Variants in QSER1 observed in about 807,000 individuals in gnomAD.
QSER1 encodes the protein glutamine and serine rich 1.
In QSER1, 49 loss-of-function variants were observed where a neutral mutation model predicts 158.5. The ratio of observed to expected loss-of-function variants is 0.31; its 90% confidence interval spans 0.25 to 0.39. The LOEUF is 0.39. Ranked by LOEUF, QSER1 falls within the 10% of genes least tolerant of loss-of-function variation. The pLI is 1.00. For missense variants in QSER1, 1,754 were observed against 2,010.3 expected (o/e 0.87, Z 2.44); for synonymous variants, 650 against 715.5 (o/e 0.91, Z 1.46).
chr11:32,902,236 C>A (rs941818633), intron 1 of QSER1, among the ~76,000 whole-genome samples: 2 of 152,202 alleles, frequency 1.3e-5, no homozygotes, highest in Non-Finnish European at 2.9e-5. Flanking sequence ...GCAAATGTCG[C>A]AAGGCAGGAA....
chr11:32,935,723 A>G (rs2133553978), intron 4 of QSER1, among the ~76,000 whole-genome samples: 1 of 152,372 alleles, frequency 6.6e-6, no homozygotes, highest in South Asian at 2.1e-4. Context: ...GAGGCACTGT[A>G]TTGTGGGCAT....
intron 1 of QSER1, among the ~76,000 whole-genome samples, chr11:32,908,885 C>G (rs774764272): frequency 1.1e-4 from 17 of 152,156 alleles, no homozygotes; most frequent in Non-Finnish European, 2.4e-4. Context: ...ATGGGCCAGG[C>G]ACAGTGATTC....
intron 12 of QSER1, 33 bp from the exon 13 acceptor site, chr11:32,976,300 AG>A (rs1202013670): frequency 6.6e-7 from 1 of 1,516,014 alleles, no homozygotes; most frequent in Non-Finnish European, 8.8e-7. Context: ...TGATGTGATA[AG>A]TATAAGCTAA....
chr11:32,907,635 A>G (rs532485984), intron 1 of QSER1, among the ~76,000 whole-genome samples: 2 of 152,344 alleles, frequency 1.3e-5, no homozygotes, highest in South Asian at 4.1e-4. Context: ...GTAACCAGCT[A>G]TATGTTAGTT....
At chr11:32,922,432 A>G (rs1851910251) in intron 1 of QSER1, among the ~76,000 whole-genome samples, 8 of 152,038 alleles carry the variant, frequency 5.3e-5, no homozygotes. Context: ...AAAGATTTCT[A>G]CATGGCAGAT....
intron 1 of QSER1, among the ~76,000 whole-genome samples, chr11:32,911,063 CT>C (rs1851759805): frequency 6.6e-6 from 1 of 152,222 alleles, no homozygotes; most frequent in South Asian, 2.1e-4. Context: ...TCTAATCTTA[CT>C]GCAGCAGTTA....
rs768321360 is a variant in QSER1, at chr11:32,932,794, G to A, written c.1536G>A (p.Gln512=). ...YKTLTFSGSS[Q]TVTPENQTLN... is the part of the protein sequence containing the mutation. ...CATTGACTTTTTCTGGGTCATCTCA[G>A]ACTGTAACTCCTGAAAATCAGACGC... Residue 512 remains glutamine, a synonymous_variant, in exon 4 of 13, where the codon CAG becomes CAA. Transcript: ENST00000650167. The A allele has an allele frequency of 6.2e-7, 1 of 1,613,984 alleles. No individual in the cohort carries two copies. The highest frequency in any genetic ancestry group is 1.7e-5 in the Admixed American group (1 of 59,996).
intron 1 of QSER1, among the ~76,000 whole-genome samples, chr11:32,901,986 G>C (rs1213737519): frequency 6.6e-6 from 1 of 152,204 alleles, no homozygotes; most frequent in African/African-American, 2.4e-5. Flanking sequence ...AGAAGGCTGA[G>C]GTGGGAGGAT....
At chr11:32,913,483 G>A (rs1489174598) in intron 1 of QSER1, among the ~76,000 whole-genome samples, 2 of 152,054 alleles carry the variant, frequency 1.3e-5, no homozygotes, top group Non-Finnish European at 2.9e-5. Context: ...GCGAGCTACC[G>A]CACCCGGTCT....
intron 4 of QSER1, among the ~76,000 whole-genome samples, chr11:32,940,782 T>A (rs1852218923): frequency 6.6e-6 from 1 of 152,184 alleles, no homozygotes; most frequent in South Asian, 2.1e-4. Flanking sequence ...ACCCTCTTTC[T>A]TCCTCTAAAT....
At chr11:32,902,208 T>C (rs1045207272) in intron 1 of QSER1, among the ~76,000 whole-genome samples, 4 of 152,166 alleles carry the variant, frequency 2.6e-5, no homozygotes, top group Non-Finnish European at 4.4e-5. Flanking sequence ...TTCCCTGAGA[T>C]CTGAGGAAGC....
intron 7 of QSER1, 36 bp downstream of exon 7, chr11:32,956,157 A>T (rs747731090): frequency 1.3e-6 from 2 of 1,538,702 alleles, no homozygotes; most frequent in Non-Finnish European, 1.8e-6. Context: ...TTGTGCATAT[A>T]TATAGGTGTA....
At position 32,893,220 on chromosome 11, in the gene QSER1, C is replaced by G. The variant is rs1474782809; in HGVS notation, c.95C>G (p.Ala32Gly). ...GCCCCCGTCCCCGCCAGCGCCGCTG[C>G]GCAGCCCCCCGCCCCAGCCTGGGCG... ...PAAPVPASAA[A>G]QPPAPAWAYE... Residue 32 changes from alanine (A) to glycine (G), a missense_variant, in exon 1 of 13, where the codon GCG (alanine) becomes GGG (glycine). By Grantham distance (60) the Ala-to-Gly change is moderately conservative. This residue lies in a region of QSER1 where 1,707 missense variants were observed against 1,919.6 expected (regional missense o/e 0.89). Coordinates refer to ENST00000650167, the MANE Select transcript of QSER1 (RefSeq NM_001076786.3). This position sits in a 1 kb window ranked among gnomAD's most constrained non-coding sequence, Gnocchi z 4.7. The G allele has an allele frequency of 1.3e-5, 2 of 148,420 alleles. No individual in the cohort carries two copies. Among genetic ancestry groups the G allele is most frequent in the Non-Finnish European group, 3.0e-5 (2 of 66,720 alleles). The allele number at this position is 148,420 out of a possible 1,614,324, so 9.2% of individuals were successfully genotyped here.
At chr11:32,948,206 T>C (rs1590175169) in intron 4 of QSER1, among the ~76,000 whole-genome samples, 1 of 152,328 alleles carries the variant, frequency 6.6e-6, no homozygotes, top group African/African-American at 2.4e-5. Context: ...GAGCACTGTA[T>C]ACTGAAACTA....
At chr11:32,962,095 C>T (rs1852635576) in intron 8 of QSER1, among the ~76,000 whole-genome samples, 1 of 152,288 alleles carries the variant, frequency 6.6e-6, no homozygotes, top group East Asian at 1.9e-4. Context: ...TTTATATTCC[C>T]ACCAGGAAAG....
chr11:32,957,766 A>G (rs1852545922), intron 7 of QSER1, 103 bp from the exon 8 acceptor site: 1 of 896,490 alleles, frequency 1.1e-6, no homozygotes, highest in Non-Finnish European at 1.7e-6. Context: ...TATTGGTGAG[A>G]GTAATTAGAT....
chr11:32,975,752 G>T lies in QSER1; in HGVS notation c.5454+409G>T. On this transcript the variant is annotated intron_variant, in intron 12 of 12. Coordinates refer to ENST00000650167, the MANE Select transcript of QSER1 (RefSeq NM_001076786.3). The stretch of plus-strand genomic sequence containing the variant: ...TCCCACTTAATTGCAGAGAAGTGGG[G>T]TTTTGTGCCTTGGCATGAAAAACTG... The T allele has an allele frequency of 9.0e-6, 6 of 668,914 alleles. 1 individual carries two copies. The South Asian group carries it at 1.7e-4, about 18-fold the overall frequency. 41.4% of individuals were successfully genotyped at this position (668,914 alleles called of 1,614,324 possible).
intron 10 of QSER1, among the ~76,000 whole-genome samples, chr11:32,972,289 T>C (rs1852877381): frequency 6.6e-6 from 1 of 152,176 alleles, no homozygotes; most frequent in African/African-American, 2.4e-5. Context: ...TTAATTTTTA[T>C]AAAGTCATAA....
In QSER1 at chr11:32,928,119, G is replaced by A. The variant is rs745833150; in HGVS notation, c.480G>A (p.Gln160=). The A allele has an allele frequency of 9.4e-6, 15 of 1,601,484 alleles. No homozygotes were observed. The highest frequency in any genetic ancestry group is 1.3e-5 in the African/African-American group (1 of 74,620). The change falls in exon 3 of 13, where the codon CAG becomes CAA. Residue 160 remains glutamine (Q), a synonymous_variant. Coordinates refer to ENST00000650167, the MANE Select transcript of QSER1 (RefSeq NM_001076786.3). ...LLPQFRAPSW[Q]TGMHSSAATE... is the part of the protein sequence containing the mutation. ...CACAATTCAGGGCTCCATCCTGGCA[G>A]ACAGGTGATTTTCTGTTTCTAGAAT...
Sources: allele counts gnomAD v4.1 joint callset (sites outside exome capture counted in the v4.1 genomes callset), GRCh38; gene constraint gnomAD v4.1.1; regional missense constraint gnomAD v4.1.1; non-coding constraint Gnocchi (gnomAD v3.1); transcripts MANE v1.5; gene names NCBI Gene and HGNC (gene_info 2026-07-23, HGNC 2026-07-21).